Variants in KDM4C observed in about 807,000 individuals in gnomAD.
KDM4C encodes the protein lysine demethylase 4C, also known as lysine-specific demethylase 4C.
In KDM4C, 81 loss-of-function variants were observed where a neutral mutation model predicts 129.3. That is an observed-to-expected ratio of 0.63 (90% CI 0.52 to 0.75). The LOEUF (loss-of-function observed/expected upper bound fraction) is 0.75. Ranked by LOEUF, KDM4C falls within the 30% of genes least tolerant of loss-of-function variation. KDM4C has a pLI of 0.00. For synonymous variants in KDM4C, 573 were observed against 456.1 expected (o/e 1.26, Z -3.26); for missense variants, 1,457 against 1,304.0 (o/e 1.12, Z -1.81).
intron 5 of KDM4C, among the ~76,000 whole-genome samples, chr9:6,856,308 C>A (rs1269332227): frequency 5.3e-5 from 8 of 152,042 alleles, no homozygotes; most frequent in Admixed American, 5.2e-4. Context: ...GTAATATGTT[C>A]TAATTTCAAA....
chr9:7,079,945 A>G (rs549480689), intron 17 of KDM4C, among the ~76,000 whole-genome samples: 20 of 152,270 alleles, frequency 1.3e-4, no homozygotes, highest in Non-Finnish European at 2.5e-4. Context: ...TACAGAATAA[A>G]TGCATCACTC....
intron 17 of KDM4C, among the ~76,000 whole-genome samples, chr9:7,097,990 G>A (rs1409918950): frequency 2.0e-5 from 3 of 152,160 alleles, no homozygotes; most frequent in Non-Finnish European, 4.4e-5. Flanking sequence ...AGGTGCTTCC[G>A]CAAGGATTCT....
intron 2 of KDM4C, among the ~76,000 whole-genome samples, chr9:6,802,668 C>G (rs1481677298): frequency 6.6e-6 from 1 of 152,216 alleles, no homozygotes; most frequent in Non-Finnish European, 1.5e-5. Context: ...CACTCTGTCA[C>G]TCAGGCTGTA....
At chr9:6,993,722 A>G (rs1819176730) in intron 12 of KDM4C, among the ~76,000 whole-genome samples, 1 of 152,158 alleles carries the variant, frequency 6.6e-6, no homozygotes, top group Non-Finnish European at 1.5e-5. Flanking sequence ...TGATGAACCC[A>G]CTGAAGGGCG....
intron 4 of KDM4C, among the ~76,000 whole-genome samples, chr9:6,817,704 C>A (rs1832371177): frequency 6.8e-6 from 1 of 147,258 alleles, no homozygotes; most frequent in African/African-American, 2.5e-5. Flanking sequence ...TGGAAAAATA[C>A]AGAAAAACGT....
At chr9:6,776,077 C>T (rs910086577) in intron 1 of KDM4C, among the ~76,000 whole-genome samples, 6 of 152,168 alleles carry the variant, frequency 3.9e-5, no homozygotes, top group Admixed American at 3.3e-4. Context: ...AGAAGGATAA[C>T]ACACCTTTCT....
chr9:7,058,180 G>A (rs1340095898), intron 17 of KDM4C, among the ~76,000 whole-genome samples: 1 of 152,196 alleles, frequency 6.6e-6, no homozygotes, highest in East Asian at 1.9e-4. Context: ...CTCTGCTATG[G>A]TGTCTTTTGG....
chr9:7,172,037 A>C (rs946293760), intron 21 of KDM4C, among the ~76,000 whole-genome samples: 1 of 152,186 alleles, frequency 6.6e-6, no homozygotes, highest in South Asian at 2.1e-4. Flanking sequence ...GGGTTGGTAC[A>C]TAGCCCTCAG....
At chr9:6,805,470 T>C in intron 2 of KDM4C, 129 bp from the exon 3 acceptor site, 2 of 625,828 alleles carry the variant, frequency 3.2e-6, no homozygotes, top group South Asian at 3.0e-5. Context: ...TCATCTTTTT[T>C]TTTTTTTTTT....
rs182225210 is a variant in KDM4C at position 7,074,437 on chromosome 9, G to A, written c.2424+25237G>A. On this transcript the variant is annotated intron_variant, in intron 17 of 21. Coordinates refer to ENST00000381309, the MANE Select transcript of KDM4C (RefSeq NM_015061.6). The stretch of plus-strand genomic sequence containing the variant: ...CCACCTTGGTCTGCCAAAGTCCTGG[G>A]ATTACGGGTATGAGCCACTGTGCCC... 4.3e-4 allele frequency among the ~76,000 whole-genome samples: 65 copies of A among 152,218 alleles called. No individual in the cohort carries two copies. The East Asian group carries it at 0.012, about 28-fold the overall frequency.
At chr9:6,763,809 G>A (rs1043695108) in intron 1 of KDM4C, among the ~76,000 whole-genome samples, 4 of 152,194 alleles carry the variant, frequency 2.6e-5, no homozygotes, top group African/African-American at 9.7e-5. Context: ...CCAGGCTGGA[G>A]TGCAATGTAG....
intron 15 of KDM4C, among the ~76,000 whole-genome samples, chr9:7,021,422 G>A (rs1187380645): frequency 6.6e-6 from 1 of 152,166 alleles, no homozygotes; most frequent in Non-Finnish European, 1.5e-5. Context: ...TGGGATTACA[G>A]GCGTGAGCCA....
chr9:6,808,692 A>G (rs1194641939), intron 3 of KDM4C, among the ~76,000 whole-genome samples: 1 of 138,686 alleles, frequency 7.2e-6, no homozygotes, highest in East Asian at 2.0e-4. Flanking sequence ...ATTATCAATA[A>G]AAAAAAAAAA....
At chr9:6,885,259 G>T (rs563791386) in intron 6 of KDM4C, among the ~76,000 whole-genome samples, 192 of 152,220 alleles carry the variant, frequency 1.3e-3, no homozygotes, top group African/African-American at 4.5e-3. Context: ...TCATATAAGT[G>T]GAATCATACT....
At chr9:6,919,997 C>G (rs1237779799) in intron 8 of KDM4C, among the ~76,000 whole-genome samples, 3 of 152,174 alleles carry the variant, frequency 2.0e-5, no homozygotes, top group African/African-American at 7.2e-5. Context: ...TTCTTCCTGC[C>G]TGCTACAAAG....
intron 5 of KDM4C, among the ~76,000 whole-genome samples, chr9:6,857,463 A>G (rs1376547339): frequency 1.3e-5 from 2 of 152,098 alleles, no homozygotes; most frequent in African/African-American, 4.8e-5. Flanking sequence ...ATCACATACC[A>G]CTCTAGCACA....
chr9:6,776,665 C>T (rs531596892), intron 1 of KDM4C, among the ~76,000 whole-genome samples: 148 of 140,622 alleles, frequency 1.1e-3, no homozygotes, highest in African/African-American at 3.6e-3. Flanking sequence ...AGTGCAATGG[C>T]GCTATCTCAG....
intron 18 of KDM4C, among the ~76,000 whole-genome samples, chr9:7,112,077 A>T (rs1243006580): frequency 1.3e-5 from 2 of 152,094 alleles, no homozygotes; most frequent in Non-Finnish European, 2.9e-5. Context: ...AAAGTGGGTC[A>T]TGCTGAGATC....
rs60685946 is a variant in KDM4C at position 6,782,865 on chromosome 9, C to G, written c.-17-10107C>G. Among the ~76,000 whole-genome samples, 3 of 152,242 alleles carry G rather than the reference C, an allele frequency of 2.0e-5. No individual in the cohort carries two copies. The South Asian group carries it at 6.2e-4, about 32-fold the overall frequency. ...AAAGGTGGGAAAATCAGCAAAGACT[C>G]TTGGGGTGGTTGAAGAAAAGAACGA... is the stretch of plus-strand genomic sequence containing the variant. On this transcript the variant is annotated intron_variant, in intron 1 of 21. Coordinates refer to ENST00000381309, the MANE Select transcript of KDM4C (RefSeq NM_015061.6).
Sources: gnomAD v4.1 joint callset for allele counts (sites outside exome capture counted in the v4.1 genomes callset) on GRCh38, gnomAD v4.1.1 for gene constraint, MANE v1.5 for transcripts, NCBI Gene and HGNC (gene_info 2026-07-23, HGNC 2026-07-21) for gene names.